SPMAP2L: variants seen among roughly 807,000 people sequenced by gnomAD.
The protein encoded by SPMAP2L is sperm microtubule associated protein 2 like.
the SPMAP2L span, among the ~76,000 whole-genome samples, chr4:56,577,125 C>T: frequency 1.6e-4 from 24 of 150,248 alleles, no homozygotes; most frequent in Non-Finnish European, 3.1e-4. Flanking sequence ...GAAGGATTGG[C>T]GAGGTGTGGT....
the SPMAP2L span, among the ~76,000 whole-genome samples, chr4:56,590,646 T>C: frequency 6.6e-6 from 1 of 152,238 alleles, no homozygotes; most frequent in African/African-American, 2.4e-5. Flanking sequence ...TCTTTCTAAG[T>C]TGAAAATTAC....
At chr4:56,595,118 TG>T in the SPMAP2L span, 47 of 1,611,568 alleles carry the variant, frequency 2.9e-5, no homozygotes, top group African/African-American at 4.7e-4. Context: ...ATCAAGATGA[TG>T]GGAGGCAAGG....
At chr4:56,530,807 G>A in the SPMAP2L span, 1 of 1,535,398 alleles carries the variant, frequency 6.5e-7, no homozygotes, top group Admixed American at 2.0e-5. Flanking sequence ...GACACTCACA[G>A]AGAGCTTGAG....
chr4:56,600,093 C>CTT, the SPMAP2L span, among the ~76,000 whole-genome samples: 4 of 93,860 alleles, frequency 4.3e-5, no homozygotes, highest in African/African-American at 1.9e-4. Flanking sequence ...TTTTTCTTTG[C>CTT]TTTCTTTTTT....
At chr4:56,547,143 A>G in the SPMAP2L span, among the ~76,000 whole-genome samples, 1 of 152,208 alleles carries the variant, frequency 6.6e-6, no homozygotes, top group East Asian at 1.9e-4. Context: ...GTTGTAACCA[A>G]TAATTGTAAC....
chr4:56,537,915 G>A, the SPMAP2L span, among the ~76,000 whole-genome samples: 57 of 152,122 alleles, frequency 3.7e-4, no homozygotes, highest in African/African-American at 1.3e-3. Context: ...GGATGGTCTT[G>A]ATCTCCTGAC....
the SPMAP2L span, among the ~76,000 whole-genome samples, chr4:56,566,724 T>C: frequency 4.1e-5 from 5 of 120,718 alleles, no homozygotes; most frequent in Non-Finnish European, 8.8e-5. Context: ...TTTGGCAGAG[T>C]TTTGCTCTGT....
At chr4:56,566,704 T>C in the SPMAP2L span, among the ~76,000 whole-genome samples, 11 of 141,062 alleles carry the variant, frequency 7.8e-5, no homozygotes, top group East Asian at 4.0e-4. Flanking sequence ...TCTTTTTTTT[T>C]TTTTTTTTTT....
the SPMAP2L span, among the ~76,000 whole-genome samples, chr4:56,544,899 C>T: frequency 6.6e-6 from 1 of 152,348 alleles, no homozygotes; most frequent in Admixed American, 6.5e-5. Context: ...GAAAGCCCAT[C>T]GCAGGCTGCG....
At chr4:56,538,379 G>A in the SPMAP2L span, among the ~76,000 whole-genome samples, 1 of 152,102 alleles carries the variant, frequency 6.6e-6, no homozygotes, top group Non-Finnish European at 1.5e-5. Context: ...CTATTACTGG[G>A]TCTCAGCCTG....
chr4:56,611,101 C>T, the SPMAP2L span, among the ~76,000 whole-genome samples: 3 of 152,028 alleles, frequency 2.0e-5, no homozygotes, highest in African/African-American at 2.4e-5. Flanking sequence ...GGTTATCTAC[C>T]CAGAGGAAAA....
the SPMAP2L span, among the ~76,000 whole-genome samples, chr4:56,540,690 C>T: frequency 6.6e-6 from 1 of 152,094 alleles, no homozygotes; most frequent in African/African-American, 2.4e-5. Flanking sequence ...AGCCAAAGCC[C>T]ATCAGTTCGT....
the SPMAP2L span, among the ~76,000 whole-genome samples, chr4:56,602,390 C>T: frequency 3.3e-5 from 5 of 152,134 alleles, no homozygotes; most frequent in South Asian, 1.0e-3. Context: ...GAAGCTCATT[C>T]TCTGTTCATT....
At chr4:56,586,343 C>G in the SPMAP2L span, among the ~76,000 whole-genome samples, 2 of 152,226 alleles carry the variant, frequency 1.3e-5, no homozygotes, top group African/African-American at 4.8e-5. Context: ...TTGCTGTATA[C>G]TCACATGACC....
the SPMAP2L span, among the ~76,000 whole-genome samples, chr4:56,563,698 A>G: frequency 6.6e-6 from 1 of 152,096 alleles, no homozygotes; most frequent in Non-Finnish European, 1.5e-5. Flanking sequence ...CCAGATAGTA[A>G]AGTTAGCCAC....
chr4:56,595,235 G>A, the SPMAP2L span: 16 of 1,611,988 alleles, frequency 9.9e-6, no homozygotes, highest in East Asian at 3.3e-4. Flanking sequence ...GGTTATGTGG[G>A]TCATGAATTT....
the SPMAP2L span, among the ~76,000 whole-genome samples, chr4:56,596,205 C>A: frequency 2.0e-5 from 3 of 152,030 alleles, no homozygotes; most frequent in African/African-American, 7.2e-5. Context: ...TCCTCTTTTT[C>A]TGTGTGAGGT....
the SPMAP2L span, among the ~76,000 whole-genome samples, chr4:56,589,916 G>A: frequency 6.6e-6 from 1 of 152,046 alleles, no homozygotes; most frequent in Non-Finnish European, 1.5e-5. Context: ...GAAGCTTTCT[G>A]GAGGAGTCTT....
the SPMAP2L span, chr4:56,603,518 G>T: frequency 2.2e-6 from 1 of 453,782 alleles, no homozygotes; most frequent in East Asian, 3.2e-5. Context: ...ATCTTTAGCA[G>T]ATTTGAGGAC....
Sources: gnomAD v4.1 joint callset for allele counts (sites outside exome capture counted in the v4.1 genomes callset) on GRCh38, gnomAD v4.1.1 for gene constraint, MANE v1.5 for transcripts, NCBI Gene and HGNC (gene_info 2026-07-23, HGNC 2026-07-21) for gene names.